DIAPH3: variants seen among roughly 807,000 people sequenced by gnomAD.
DIAPH3 encodes the protein protein diaphanous homolog 3.
DIAPH3 carries 117 observed loss-of-function variants against 144.3 expected under a neutral mutation model. That is an observed-to-expected ratio of 0.81 (90% CI 0.70 to 0.95). DIAPH3 has a LOEUF of 0.95. Among genes scored for constraint, DIAPH3 ranks in the 40% least tolerant of loss-of-function variants. The pLI, the probability that DIAPH3 is intolerant of heterozygous loss-of-function variation, is 0.00. For synonymous variants in DIAPH3, 519 were observed against 488.9 expected (o/e 1.06, Z -0.81); for missense variants, 1,421 against 1,412.7 (o/e 1.01, Z -0.09).
At chr13:59,925,544 G>T (rs1386300704) in intron 17 of DIAPH3, among the ~76,000 whole-genome samples, 2 of 152,088 alleles carry the variant, frequency 1.3e-5, no homozygotes, top group Admixed American at 1.3e-4. Context: ...TCTTGTCTTG[G>T]TATTAGTGTA....
rs545901965 is a variant in DIAPH3 at position 59,937,207 on chromosome 13, C to T, written c.2075-12337G>A. ...AATAATAATTTTTCCACTATTTTTA[C>T]GTATAACATTCTCTCATATGTTCTC... On this transcript the variant is annotated intron_variant, in intron 17 of 27. Coordinates refer to ENST00000400324, the MANE Select transcript of DIAPH3 (RefSeq NM_001042517.2). 7.9e-5 allele frequency among the ~76,000 whole-genome samples: 12 copies of T among 151,636 alleles called. No individual in the cohort carries two copies. In the South Asian group the frequency reaches 1.2e-3, roughly 16 times the overall value.
intron 20 of DIAPH3, among the ~76,000 whole-genome samples, chr13:59,883,174 T>C (rs896900597): frequency 1.1e-4 from 16 of 152,210 alleles, no homozygotes; most frequent in Non-Finnish European, 2.1e-4. Context: ...GCCCTTATCG[T>C]TGAATTCTTT....
chr13:59,781,475 G>A (rs1202354710), intron 25 of DIAPH3, among the ~76,000 whole-genome samples: 2 of 152,174 alleles, frequency 1.3e-5, no homozygotes, highest in African/African-American at 4.8e-5. Context: ...AAAAGGAGAA[G>A]GGACAAGAGA....
rs567251864 is a variant in DIAPH3 at position 59,998,887 on chromosome 13, C to A, written c.1015-6304G>T. ...CTCAACAATGATCCTAAAAATAAGC[C>A]TTTTACTAATAGTCTGTATTCTTCA... On this transcript the variant is annotated intron_variant, in intron 9 of 27. Coordinates refer to ENST00000400324, the MANE Select transcript of DIAPH3 (RefSeq NM_001042517.2). 1.3e-5 allele frequency among the ~76,000 whole-genome samples: 2 copies of A among 152,162 alleles called. 1 individual carries two copies. Among genetic ancestry groups the A allele is most frequent in the East Asian group, 3.9e-4 (2 of 5,184 alleles).
At chr13:59,778,879 A>G (rs575066956) in intron 25 of DIAPH3, among the ~76,000 whole-genome samples, 1 of 152,304 alleles carries the variant, frequency 6.6e-6, no homozygotes, top group South Asian at 2.1e-4. Context: ...GTTTCAATAT[A>G]TCTCAGTTCT....
chr13:59,941,010 A>T (rs1255412252), intron 17 of DIAPH3, among the ~76,000 whole-genome samples: 1 of 152,222 alleles, frequency 6.6e-6, no homozygotes, highest in African/African-American at 2.4e-5. Flanking sequence ...TAGCCTTGCC[A>T]TTTCAGGATC....
intron 4 of DIAPH3, 140 bp downstream of exon 4, chr13:60,093,488 A>G: frequency 1.6e-6 from 1 of 634,842 alleles, no homozygotes; most frequent in Non-Finnish European, 2.8e-6. Context: ...AATGTATAAT[A>G]TACTTGTGCC....
intron 20 of DIAPH3, among the ~76,000 whole-genome samples, chr13:59,893,880 G>T (rs1169260109): frequency 2.0e-5 from 3 of 152,094 alleles, no homozygotes; most frequent in Non-Finnish European, 4.4e-5. Context: ...AATGACAAAA[G>T]TGTTTCTCTA....
intron 25 of DIAPH3, among the ~76,000 whole-genome samples, chr13:59,793,649 G>A (rs1437168670): frequency 1.3e-5 from 2 of 152,082 alleles, no homozygotes; most frequent in African/African-American, 2.4e-5. Context: ...TTCTTACTCT[G>A]CTCATTCTTA....
At chr13:59,894,346 A>T (rs1284365359) in intron 20 of DIAPH3, among the ~76,000 whole-genome samples, 1 of 151,918 alleles carries the variant, frequency 6.6e-6, no homozygotes, top group African/African-American at 2.4e-5. Context: ...TCGTGGGCAT[A>T]AAAAAAATAG....
At chr13:60,077,696 C>T (rs554584137) in intron 4 of DIAPH3, among the ~76,000 whole-genome samples, 1 of 152,064 alleles carries the variant, frequency 6.6e-6, no homozygotes, top group Non-Finnish European at 1.5e-5. Context: ...AGGGAGTATT[C>T]AGACACATAA....
At chr13:59,904,668 G>A (rs906001700) in intron 20 of DIAPH3, among the ~76,000 whole-genome samples, 4 of 152,064 alleles carry the variant, frequency 2.6e-5, no homozygotes, top group East Asian at 1.9e-4. Context: ...CATCTCTATC[G>A]TTAAGTGAGT....
chr13:59,758,591 A>C (rs750592579), intron 27 of DIAPH3, among the ~76,000 whole-genome samples: 1 of 152,210 alleles, frequency 6.6e-6, no homozygotes, highest in Non-Finnish European at 1.5e-5. Context: ...CCATATACTT[A>C]GGATGGTTTA....
chr13:60,152,670 T>G (rs1298664269), intron 1 of DIAPH3, among the ~76,000 whole-genome samples: 1 of 152,044 alleles, frequency 6.6e-6, no homozygotes, highest in African/African-American at 2.4e-5. Context: ...TTTAATGTTT[T>G]AAGCTTATTA....
Position 60,052,959 on chromosome 13 carries a change from T to TAAAAAAAAAAA in DIAPH3, c.496-10150_496-10140dup, listed in dbSNP as rs559991017. Among the ~76,000 whole-genome samples, 315 of 40,596 alleles carry TAAAAAAAAAAA rather than the reference T, an allele frequency of 7.8e-3. 48 individuals carry two copies. Among genetic ancestry groups the TAAAAAAAAAAA allele is most frequent in the African/African-American group, 0.029 (200 of 6,862 alleles). 26.6% of individuals were successfully genotyped at this position (40,596 alleles called of 152,430 possible). ...CTGGTGACAGAGCCAGACTCCCTCTTAAAAAAAAAAAAAAAAAAAAAGAAA... is the reference window on the plus strand; with the variant it reads ...CTGGTGACAGAGCCAGACTCCCTCTTAAAAAAAAAAAAAAAAAAAAAAAAAAAAAAAAGAAA... On this transcript the variant is annotated intron_variant, in intron 4 of 27. Coordinates refer to ENST00000400324, the MANE Select transcript of DIAPH3 (RefSeq NM_001042517.2).
At chr13:59,994,480 C>T (rs1462534031) in intron 9 of DIAPH3, among the ~76,000 whole-genome samples, 3 of 151,846 alleles carry the variant, frequency 2.0e-5, no homozygotes, top group South Asian at 2.1e-4. Context: ...TATCGAGAAA[C>T]GTTAAAAAAC....
At chr13:59,962,017 G>A (rs933294120) in intron 17 of DIAPH3, among the ~76,000 whole-genome samples, 3 of 152,054 alleles carry the variant, frequency 2.0e-5, no homozygotes, top group Non-Finnish European at 2.9e-5. Context: ...GTCTGATGTT[G>A]AAACTGCCTT....
At chr13:60,049,215 A>C (rs1376187291) in intron 4 of DIAPH3, among the ~76,000 whole-genome samples, 1 of 152,202 alleles carries the variant, frequency 6.6e-6, no homozygotes, top group African/African-American at 2.4e-5. Context: ...TAACCTGTCA[A>C]TCTTTTCTCT....
intron 7 of DIAPH3, chr13:60,013,170 T>C (rs2053394362): frequency 1.0e-6 from 1 of 985,420 alleles, no homozygotes; most frequent in Non-Finnish European, 1.2e-6. Context: ...GACAATATGG[T>C]AACTGGCCTG....
Sources: gnomAD v4.1 joint callset for allele counts (sites outside exome capture counted in the v4.1 genomes callset) on GRCh38, gnomAD v4.1.1 for gene constraint, MANE v1.5 for transcripts, NCBI Gene and HGNC (gene_info 2026-07-23, HGNC 2026-07-21) for gene names.